Variants in SPDYA observed in about 807,000 individuals in gnomAD.
SPDYA encodes the protein speedy protein A.
A neutral mutation model predicts 36.7 loss-of-function variants in SPDYA; 11 were observed. The ratio of observed to expected loss-of-function variants is 0.30; its 90% confidence interval spans 0.19 to 0.50. The LOEUF is 0.50. Ranked by LOEUF, SPDYA falls within the 20% of genes least tolerant of loss-of-function variation. The pLI is 0.98. For missense variants in SPDYA, 287 were observed against 370.9 expected (o/e 0.77, Z 1.86); for synonymous variants, 115 against 118.7 (o/e 0.97, Z 0.20).
Position 28,818,633 on chromosome 2 carries a change from A to G in SPDYA, c.236-415A>G, listed in dbSNP as rs184818999. Among the ~76,000 whole-genome samples the G allele has an allele frequency of 1.3e-3, 204 of 152,224 alleles. 1 individual carries two copies. Among genetic ancestry groups the G allele is most frequent in the Non-Finnish European group, 2.4e-3 (160 of 67,996 alleles). ...GTTTGTTTGTTGATCTTTTTATCCT[A>G]ATAGTTTTTTCAAAATGTTAATTAT... On this transcript the variant is annotated intron_variant, in intron 3 of 7. Coordinates refer to ENST00000334056, the MANE Select transcript of SPDYA (RefSeq NM_182756.4).
intron 5 of SPDYA, among the ~76,000 whole-genome samples, chr2:28,823,729 ATATATATATATATAT>A (rs1423895353): frequency 5.5e-5 from 6 of 108,240 alleles, no homozygotes; most frequent in Non-Finnish European, 1.2e-4. Context: ...ATATATATAT[ATATATATATATATAT>A]AAAATTTTTT....
chr2:28,836,914 TGA>T (rs777265796), intron 6 of SPDYA, among the ~76,000 whole-genome samples: 2 of 152,188 alleles, frequency 1.3e-5, no homozygotes, highest in African/African-American at 4.8e-5. Context: ...GCCTATCTAA[TGA>T]GAGAGTTAGA....
intron 5 of SPDYA, among the ~76,000 whole-genome samples, chr2:28,825,933 T>TG (rs1373937190): frequency 6.6e-6 from 1 of 151,958 alleles, no homozygotes; most frequent in African/African-American, 2.4e-5. Flanking sequence ...TTTTTAAAGA[T>TG]GGAGTTTTGC....
At chr2:28,846,324 C>T (rs1215910403) in intron 7 of SPDYA, among the ~76,000 whole-genome samples, 2 of 152,152 alleles carry the variant, frequency 1.3e-5, no homozygotes, top group African/African-American at 2.4e-5. Flanking sequence ...AGGAGAATTG[C>T]TTGAACCTGG....
At chr2:28,837,625 G>A (rs556273724) in intron 6 of SPDYA, among the ~76,000 whole-genome samples, 1 of 152,150 alleles carries the variant, frequency 6.6e-6, no homozygotes, top group East Asian at 1.9e-4. Context: ...ATCTAGCTAG[G>A]TAATCCCAGA....
intron 7 of SPDYA, among the ~76,000 whole-genome samples, chr2:28,845,878 A>G (rs1038608781): frequency 1.3e-5 from 2 of 152,094 alleles, no homozygotes; most frequent in African/African-American, 4.8e-5. Context: ...ATCACCTTAT[A>G]TATGTATTAC....
chr2:28,823,702 AATATATATATATATAT>A (rs1160889916), intron 5 of SPDYA, among the ~76,000 whole-genome samples: 1,648 of 49,228 alleles, frequency 0.033, 51 homozygotes, highest in Middle Eastern at 0.079. Flanking sequence ...GGAATGCATG[AATATATATATATATAT>A]ATATATATAT....
chr2:28,850,001 A>T lies in SPDYA; in HGVS notation c.*60A>T. Reference sequence around the variant, plus strand: ...TACAAAATGTCAAACTAACTGCAAGACAAGTGTCAAAATGGGATGTTTAAG... The same window carrying T: ...TACAAAATGTCAAACTAACTGCAAGTCAAGTGTCAAAATGGGATGTTTAAG... On this transcript the variant is annotated 3_prime_UTR_variant, in exon 8 of 8. Coordinates refer to ENST00000334056, the MANE Select transcript of SPDYA (RefSeq NM_182756.4). 3.6e-6 allele frequency: 5 copies of T among 1,370,248 alleles called. No individual in the cohort carries two copies. Among genetic ancestry groups the T allele is most frequent in the Non-Finnish European group, 5.1e-6 (5 of 980,650 alleles). The allele number at this position is 1,370,248 out of a possible 1,614,324, so 84.9% of individuals were successfully genotyped here.
intron 7 of SPDYA, among the ~76,000 whole-genome samples, chr2:28,843,724 C>A (rs2148107965): frequency 6.6e-6 from 1 of 152,168 alleles, no homozygotes; most frequent in Non-Finnish European, 1.5e-5. Context: ...TTATTATATT[C>A]ATTTTACTGA....
At position 28,850,026 on chromosome 2, in the gene SPDYA, G is replaced by A. The variant is rs142380443; in HGVS notation, c.*85G>A. ...ACAAGTGTCAAAATGGGATGTTTAA[G>A]CAGTTTTGCTATGTTATACATCTTT... On this transcript the variant is annotated 3_prime_UTR_variant, in exon 8 of 8. Coordinates refer to ENST00000334056, the MANE Select transcript of SPDYA (RefSeq NM_182756.4). The A allele has an allele frequency of 8.5e-5, 106 of 1,249,320 alleles. 1 individual carries two copies. The highest frequency in any genetic ancestry group is 1.1e-4 in the Non-Finnish European group (100 of 873,964). The allele number at this position is 1,249,320 out of a possible 1,614,324, so 77.4% of individuals were successfully genotyped here. A position where few individuals can be genotyped will look rare whatever the true frequency, so the allele number is the denominator to read the frequency against.
intron 7 of SPDYA, among the ~76,000 whole-genome samples, chr2:28,848,424 G>A (rs1277989135): frequency 1.3e-5 from 2 of 152,070 alleles, no homozygotes; most frequent in Admixed American, 6.6e-5. Context: ...TTTCCCTGCT[G>A]TAGTTAATTC....
Position 28,811,507 on chromosome 2 carries a change from A to C in SPDYA, c.-93+560A>C, listed in dbSNP as rs1258545952. Among the ~76,000 whole-genome samples the C allele has an allele frequency of 6.6e-6, 1 of 152,174 alleles. No homozygotes were observed. Among genetic ancestry groups the C allele is most frequent in the African/African-American group, 2.4e-5 (1 of 41,440 alleles). Reference sequence around the variant, plus strand: ...GTACCAGGCCCGTAGCTCATTTCTCAGAATTCACGAAGATTCTCTTACATG... The same window carrying C: ...GTACCAGGCCCGTAGCTCATTTCTCCGAATTCACGAAGATTCTCTTACATG... On this transcript the variant is annotated intron_variant, in intron 1 of 7. Coordinates refer to ENST00000334056, the MANE Select transcript of SPDYA (RefSeq NM_182756.4). This position sits in a 1 kb window ranked among gnomAD's most constrained non-coding sequence, Gnocchi z 4.2.
chr2:28,840,127 T>A, intron 6 of SPDYA, 45 bp from the exon 7 acceptor site: 1 of 1,539,198 alleles, frequency 6.5e-7, no homozygotes, highest in South Asian at 1.2e-5. Context: ...TTTTAGTAAA[T>A]TTTGAAATAT....
At chr2:28,849,341 G>C (rs1413246489) in intron 7 of SPDYA, among the ~76,000 whole-genome samples, 1 of 152,040 alleles carries the variant, frequency 6.6e-6, no homozygotes, top group Non-Finnish European at 1.5e-5. Flanking sequence ...ACCCAGGCTG[G>C]AGTGCAGTGG....
At chr2:28,834,506 GGT>G (rs1558328745) in intron 6 of SPDYA, among the ~76,000 whole-genome samples, 1 of 152,082 alleles carries the variant, frequency 6.6e-6, no homozygotes, top group East Asian at 1.9e-4. Context: ...AACAAAATAA[GGT>G]ATATCCCTAC....
intron 4 of SPDYA, among the ~76,000 whole-genome samples, chr2:28,821,178 ATTTTT>A (rs1016145776): frequency 1.5e-5 from 2 of 130,296 alleles, no homozygotes; most frequent in Non-Finnish European, 3.2e-5. Context: ...TTATGATGTG[ATTTTT>A]TTTTTTTCTT....
At chr2:28,847,204 G>A (rs542806753) in intron 7 of SPDYA, among the ~76,000 whole-genome samples, 2 of 152,158 alleles carry the variant, frequency 1.3e-5, no homozygotes, top group Admixed American at 6.6e-5. Flanking sequence ...TTAGCCAGGC[G>A]TGGGAGCGTG....
At chr2:28,821,144 A>G (rs1399092376) in intron 4 of SPDYA, among the ~76,000 whole-genome samples, 1 of 151,380 alleles carries the variant, frequency 6.6e-6, no homozygotes, top group Non-Finnish European at 1.5e-5. Context: ...ATGCTGTAAT[A>G]TCAAATATAC....
Position 28,849,979 on chromosome 2 carries a change from A to G in SPDYA, c.*38A>G, listed in dbSNP as rs1282093645. 9.6e-6 allele frequency: 14 copies of G among 1,463,918 alleles called. No homozygotes were observed. Among genetic ancestry groups the G allele is most frequent in the Non-Finnish European group, 1.3e-5 (14 of 1,061,296 alleles). 90.7% of individuals were successfully genotyped at this position (1,463,918 alleles called of 1,614,324 possible). On this transcript the variant is annotated 3_prime_UTR_variant, in exon 8 of 8. Coordinates refer to ENST00000334056, the MANE Select transcript of SPDYA (RefSeq NM_182756.4). ...AAACCAATTTGGAATCATTAACTACAAAATGTCAAACTAACTGCAAGACAA... is the reference window on the plus strand; with the variant it reads ...AAACCAATTTGGAATCATTAACTACGAAATGTCAAACTAACTGCAAGACAA...
Sources: gnomAD v4.1 joint callset for allele counts (sites outside exome capture counted in the v4.1 genomes callset) on GRCh38, gnomAD v4.1.1 for gene constraint, Gnocchi (gnomAD v3.1) non-coding constraint, MANE v1.5 for transcripts, NCBI Gene and HGNC (gene_info 2026-07-23, HGNC 2026-07-21) for gene names.